Variants in ETS1 observed in about 807,000 individuals in gnomAD.
ETS1 encodes the protein protein C-ets-1.
ETS1 carries 15 observed loss-of-function variants against 58.6 expected under a neutral mutation model. That is an observed-to-expected ratio of 0.26 (90% CI 0.17 to 0.39). The LOEUF is 0.39. ETS1 is among the 10% of genes least tolerant of loss of function. The pLI, the probability that ETS1 is intolerant of heterozygous loss-of-function variation, is 1.00. For synonymous variants in ETS1, 214 were observed against 218.2 expected, an observed-to-expected ratio of 0.98 and a Z score of 0.17; for missense variants, 417 against 610.5, an observed-to-expected ratio of 0.68 and a Z score of 3.34.
chr11:128,583,958 C>T (rs1158599732), intron 1 of ETS1, among the ~76,000 whole-genome samples: 1 of 152,184 alleles, frequency 6.6e-6, no homozygotes, highest in Non-Finnish European at 1.5e-5. Context: ...ACTCCCAAAG[C>T]ATGTATAGGT....
chr11:128,582,958 T>C (rs184950206), intron 1 of ETS1, among the ~76,000 whole-genome samples: 2,384 of 152,222 alleles, frequency 0.016, 29 homozygotes, highest in Non-Finnish European at 0.023. Context: ...TTCATTTTTT[T>C]CATTTTTGCT....
chr11:128,543,193 CAAA>C (rs66563990), intron 3 of ETS1, among the ~76,000 whole-genome samples: 3 of 87,102 alleles, frequency 3.4e-5, no homozygotes. Context: ...AACTCTGTCT[CAAA>C]AAAAAAAAAA....
rs757924801 is a variant in ETS1 at position 128,462,510 on chromosome 11, G to A, written c.1309C>T (p.Leu437=). The A allele has an allele frequency of 1.2e-6, 2 of 1,614,008 alleles. No individual in the cohort carries two copies. Among genetic ancestry groups the A allele is most frequent in the East Asian group, 4.5e-5 (2 of 44,898 alleles). ...ATGTTTTTGTCGTAATAGTAGCGTA[G>A]GCCACGGCTCAGTTTCTCATAATTC... ...KMNYEKLSRG[L]RYYYDKNIIH... is the part of the protein sequence containing the mutation. The change falls in exon 10 of 10, where the codon CTA becomes TTA. Residue 437 remains leucine, a synonymous_variant. Transcript: ENST00000392668.
intron 3 of ETS1, among the ~76,000 whole-genome samples, chr11:128,544,566 A>T (rs528930283): frequency 1.3e-5 from 2 of 151,992 alleles, no homozygotes; most frequent in East Asian, 3.9e-4. Flanking sequence ...CCGTCTCCAG[A>T]GCAGCAGCTC....
chr11:128,506,855 C>G (rs759229741), intron 3 of ETS1, among the ~76,000 whole-genome samples: 34 of 152,116 alleles, frequency 2.2e-4, no homozygotes, highest in South Asian at 6.2e-4. Context: ...TTCTAGGAGA[C>G]GAACAAAATC....
At chr11:128,517,206 G>T (rs1863549295) in intron 3 of ETS1, among the ~76,000 whole-genome samples, 1 of 152,208 alleles carries the variant, frequency 6.6e-6, no homozygotes, top group Non-Finnish European at 1.5e-5. Flanking sequence ...AGCTCAGGGG[G>T]CTCTTGCAGA....
chr11:128,506,247 T>C (rs562901084), intron 3 of ETS1, among the ~76,000 whole-genome samples: 1 of 152,318 alleles, frequency 6.6e-6, no homozygotes, highest in African/African-American at 2.4e-5. Flanking sequence ...TGCACTGACA[T>C]GTACACTTTA....
rs1486954861 is a variant in ETS1 at position 128,509,657 on chromosome 11, G to C, written c.215-19081C>G. Among the ~76,000 whole-genome samples, 4 of 148,728 alleles carry C rather than the reference G, an allele frequency of 2.7e-5. No homozygotes were observed. The Admixed American group carries it at 2.7e-4, about 10-fold the overall frequency. On this transcript the variant is annotated intron_variant, in intron 3 of 9. Coordinates refer to ENST00000392668, the MANE Select transcript of ETS1 (RefSeq NM_001143820.2). ...GTTCTTCCTGCCCCTATAATGACAAGCCTGACAGAGAACACATCACACAGA... is the reference window on the plus strand; with the variant it reads ...GTTCTTCCTGCCCCTATAATGACAACCCTGACAGAGAACACATCACACAGA...
intron 1 of ETS1, among the ~76,000 whole-genome samples, chr11:128,573,560 CAT>C (rs1170056537): frequency 6.6e-6 from 1 of 152,052 alleles, no homozygotes; most frequent in Non-Finnish European, 1.5e-5. Flanking sequence ...AAGGAATAAA[CAT>C]AGAAAGGATT....
Position 128,521,345 on chromosome 11 carries a change from CA to C in ETS1, c.215-30770del, listed in dbSNP as rs1458266210. On this transcript the variant is annotated intron_variant, in intron 3 of 9. Coordinates refer to ENST00000392668, the MANE Select transcript of ETS1 (RefSeq NM_001143820.2). ...TACATGAATAGGGTCGGACGTTTCTCAAAGTTAAGAGGATAATTTCAATTCT... is the reference window on the plus strand; with the variant it reads ...TACATGAATAGGGTCGGACGTTTCTCAAGTTAAGAGGATAATTTCAATTCT... 2.0e-5 allele frequency among the ~76,000 whole-genome samples: 3 copies of C among 152,118 alleles called. No homozygotes were observed. The East Asian group carries it at 5.8e-4, about 29-fold the overall frequency.
intron 2 of ETS1, among the ~76,000 whole-genome samples, chr11:128,565,626 A>G (rs536588486): frequency 6.6e-6 from 1 of 152,224 alleles, no homozygotes. Flanking sequence ...CAGAAGCCCC[A>G]CAGTCCAAGA....
At chr11:128,484,754 T>G (rs545806296) in intron 7 of ETS1, 69 bp downstream of exon 7, 1 of 1,475,676 alleles carries the variant, frequency 6.8e-7, no homozygotes, top group East Asian at 2.3e-5. Flanking sequence ...AAATGGAACC[T>G]GAAAAAAACT....
At chr11:128,478,090 C>T (rs1862372246) in intron 8 of ETS1, among the ~76,000 whole-genome samples, 1 of 152,112 alleles carries the variant, frequency 6.6e-6, no homozygotes, top group Non-Finnish European at 1.5e-5. Flanking sequence ...AGTGAAATTG[C>T]AATTGTCAAG....
At chr11:128,521,022 C>T (rs1863653181) in intron 3 of ETS1, among the ~76,000 whole-genome samples, 1 of 152,048 alleles carries the variant, frequency 6.6e-6, no homozygotes, top group Non-Finnish European at 1.5e-5. Flanking sequence ...GGATAGCTGG[C>T]AGTGCCTTAT....
chr11:128,573,345 G>A (rs561635605), intron 1 of ETS1, among the ~76,000 whole-genome samples: 1 of 152,324 alleles, frequency 6.6e-6, no homozygotes, highest in South Asian at 2.1e-4. Context: ...ACCTCAGACA[G>A]AACCAGTTCC....
At chr11:128,562,817 A>T (rs1366608372) in intron 2 of ETS1, among the ~76,000 whole-genome samples, 3 of 152,024 alleles carry the variant, frequency 2.0e-5, no homozygotes, top group African/African-American at 7.2e-5. Flanking sequence ...AGGAACTTGG[A>T]TCTTGCTAGC....
chr11:128,528,610 A>G lies in ETS1; in HGVS notation c.214+27681T>C, dbSNP rs1863843880. ...TCCATGGTGTTTAGCTCAAGGTAGT[A>G]AGAGCCCCATAAATTATGTTCATTA... On this transcript the variant is annotated intron_variant, in intron 3 of 9. Transcript: ENST00000392668. 2.6e-5 allele frequency among the ~76,000 whole-genome samples: 4 copies of G among 152,210 alleles called. No homozygotes were observed. The South Asian group carries it at 8.3e-4, about 32-fold the overall frequency.
At chr11:128,558,385 C>T (rs1418791072) in intron 2 of ETS1, among the ~76,000 whole-genome samples, 1 of 152,222 alleles carries the variant, frequency 6.6e-6, no homozygotes, top group Non-Finnish European at 1.5e-5. Context: ...TGGCTCACGC[C>T]TGTCATCCCA....
At chr11:128,483,513 G>A (rs1302159363) in intron 7 of ETS1, among the ~76,000 whole-genome samples, 1 of 152,106 alleles carries the variant, frequency 6.6e-6, no homozygotes, top group Non-Finnish European at 1.5e-5. Flanking sequence ...TATTTAAATA[G>A]ACATGCACCC....
Sources: gnomAD v4.1 joint callset for allele counts (sites outside exome capture counted in the v4.1 genomes callset) on GRCh38, gnomAD v4.1.1 for gene constraint, MANE v1.5 for transcripts, NCBI Gene and HGNC (gene_info 2026-07-23, HGNC 2026-07-21) for gene names.